The following NFIA variants were observed in gnomAD, a reference collection of about 807,000 sequenced individuals.
NFIA encodes the protein nuclear factor 1 A-type.
NFIA carries 8 observed loss-of-function variants against 62.8 expected under a neutral mutation model. That is an observed-to-expected ratio of 0.13 (90% confidence interval 0.07 to 0.23). NFIA has a LOEUF of 0.23. Ranked by LOEUF, NFIA falls within the 10% of genes least tolerant of loss-of-function variation. The pLI is 1.00. For synonymous variants in NFIA, 235 were observed against 238.1 expected (o/e 0.99, Z 0.12); for missense variants, 410 against 642.1 (o/e 0.64, Z 3.91).
intron 2 of NFIA, among the ~76,000 whole-genome samples, chr1:61,133,365 G>A (rs1027185606): frequency 6.6e-6 from 1 of 151,832 alleles, no homozygotes; most frequent in Non-Finnish European, 1.5e-5. Flanking sequence ...TCATAAACTG[G>A]CTGGTATAGA....
At chr1:61,142,356 G>T (rs191614844) in intron 2 of NFIA, among the ~76,000 whole-genome samples, 14 of 152,260 alleles carry the variant, frequency 9.2e-5, no homozygotes, top group Admixed American at 7.8e-4. Flanking sequence ...ACTTGGCTGA[G>T]TCCCGGCAAA....
At chr1:61,387,414 A>G (rs925002142) in intron 7 of NFIA, among the ~76,000 whole-genome samples, 3 of 149,284 alleles carry the variant, frequency 2.0e-5, no homozygotes, top group South Asian at 2.1e-4. Context: ...TGCTGTCCCT[A>G]TTGCCTTCGC....
intron 6 of NFIA, among the ~76,000 whole-genome samples, chr1:61,361,197 A>G (rs1416238673): frequency 5.9e-5 from 9 of 152,302 alleles, no homozygotes; most frequent in Non-Finnish European, 1.0e-4. Context: ...GTCACACATC[A>G]TCTTTTCTCC....
At chr1:61,297,692 CT>C in intron 3 of NFIA, among the ~76,000 whole-genome samples, 1 of 152,214 alleles carries the variant, frequency 6.6e-6, no homozygotes, top group South Asian at 2.1e-4. Context: ...AAGAGCCATA[CT>C]TTTTTATGCA....
In NFIA at chr1:61,458,266, G is replaced by A. The variant is rs887101069; in HGVS notation, c.*2946G>A. On this transcript the variant is annotated 3_prime_UTR_variant, in exon 11 of 11. Transcript: ENST00000403491. ...AGTGCTTCACAGTGAAGGGAAAAAAGCCTAGACAAACATTTTGTCAGAACC... is the reference window on the plus strand; with the variant it reads ...AGTGCTTCACAGTGAAGGGAAAAAAACCTAGACAAACATTTTGTCAGAACC... The A allele has an allele frequency of 6.6e-6, 1 of 151,396 alleles. No individual in the cohort carries two copies. The highest frequency in any genetic ancestry group is 2.4e-5 in the African/African-American group (1 of 41,242). 9.4% of individuals were successfully genotyped at this position (151,396 alleles called of 1,614,324 possible).
chr1:61,094,514 C>T (rs150749423), intron 2 of NFIA, among the ~76,000 whole-genome samples: 1,768 of 152,146 alleles, frequency 0.012, 19 homozygotes, highest in Middle Eastern at 0.065. Context: ...TGCAAAAATT[C>T]TTTTTAGAAT....
rs1668363571 is a variant in NFIA at position 61,457,587 on chromosome 1, C to G, written c.*2267C>G. The G allele has an allele frequency of 6.6e-6, 1 of 152,102 alleles. No homozygotes were observed. 9.4% of individuals were successfully genotyped at this position (152,102 alleles called of 1,614,324 possible). A position where few individuals can be genotyped will look rare whatever the true frequency, so the allele number is the denominator to read the frequency against. On this transcript the variant is annotated 3_prime_UTR_variant, in exon 11 of 11. Coordinates refer to ENST00000403491, the MANE Select transcript of NFIA (RefSeq NM_001134673.4). This position sits in a 1 kb window ranked among gnomAD's most constrained non-coding sequence, Gnocchi z 4.2. ...CCAGATATATGAAAATATGCAATAC[C>G]TGCTTATATCATGTAGAAAAGCTTA...
intron 4 of NFIA, among the ~76,000 whole-genome samples, chr1:61,348,299 T>C (rs1662357174): frequency 6.6e-6 from 1 of 152,248 alleles, no homozygotes; most frequent in Admixed American, 6.5e-5. Context: ...ATAAGACTCT[T>C]GAAGAAGGCA....
chr1:61,396,106 G>T (rs1665254756), intron 7 of NFIA, among the ~76,000 whole-genome samples: 1 of 152,200 alleles, frequency 6.6e-6, no homozygotes, highest in African/African-American at 2.4e-5. Context: ...TAGGGAGAGA[G>T]AAGCCACCCA....
At chr1:61,116,309 AG>A (rs1251366438) in intron 2 of NFIA, among the ~76,000 whole-genome samples, 1 of 152,236 alleles carries the variant, frequency 6.6e-6, no homozygotes, top group African/African-American at 2.4e-5. Flanking sequence ...TGCCACTTCC[AG>A]TACTGCTATA....
intron 7 of NFIA, among the ~76,000 whole-genome samples, chr1:61,400,722 A>G (rs1665518618): frequency 6.6e-6 from 1 of 152,200 alleles, no homozygotes; most frequent in Admixed American, 6.5e-5. Flanking sequence ...TTCCATTAGC[A>G]TCATGCCAAA....
chr1:61,449,531 A>G (rs1479429292), intron 10 of NFIA, among the ~76,000 whole-genome samples: 1 of 152,204 alleles, frequency 6.6e-6, no homozygotes, highest in African/African-American at 2.4e-5. Flanking sequence ...TTAGAACCCA[A>G]GGACTAGTAA....
At chr1:61,119,343 G>A (rs1646849107) in intron 2 of NFIA, among the ~76,000 whole-genome samples, 1 of 152,062 alleles carries the variant, frequency 6.6e-6, no homozygotes, top group African/African-American at 2.4e-5. Flanking sequence ...TATCATATGA[G>A]GTAATTCAGT....
At chr1:61,353,412 C>T (rs1257493193) in intron 5 of NFIA, among the ~76,000 whole-genome samples, 1 of 152,122 alleles carries the variant, frequency 6.6e-6, no homozygotes, top group Non-Finnish European at 1.5e-5. Context: ...TCTAGATAAC[C>T]TGTACCAGAG....
intron 7 of NFIA, among the ~76,000 whole-genome samples, chr1:61,389,924 G>C (rs17356783): frequency 6.6e-6 from 1 of 151,956 alleles, no homozygotes; most frequent in Non-Finnish European, 1.5e-5. Flanking sequence ...TTACTATCTG[G>C]GGACCCATTA....
chr1:61,153,153 T>C (rs1648539383), intron 2 of NFIA, among the ~76,000 whole-genome samples: 1 of 152,232 alleles, frequency 6.6e-6, no homozygotes, highest in African/African-American at 2.4e-5. Context: ...TTTGGTGGGT[T>C]GAATACTGCC....
intron 2 of NFIA, among the ~76,000 whole-genome samples, chr1:61,224,257 A>C (rs1056331442): frequency 3.9e-5 from 6 of 152,188 alleles, no homozygotes; most frequent in Admixed American, 3.9e-4. Context: ...TAAAAGCTCA[A>C]GTTAATATTA....
chr1:61,210,081 A>G (rs1406952321), intron 2 of NFIA, among the ~76,000 whole-genome samples: 1 of 152,156 alleles, frequency 6.6e-6, no homozygotes, highest in Non-Finnish European at 1.5e-5. Context: ...GTGTTGTAGG[A>G]TAGAAACTGA....
chr1:61,324,772 T>C (rs1399281791), intron 3 of NFIA, among the ~76,000 whole-genome samples: 1 of 152,196 alleles, frequency 6.6e-6, no homozygotes, highest in Non-Finnish European at 1.5e-5. Context: ...AATGGCATTT[T>C]CCATAATAAC....
Sources: allele counts gnomAD v4.1 joint callset (sites outside exome capture counted in the v4.1 genomes callset), GRCh38; gene constraint gnomAD v4.1.1; non-coding constraint Gnocchi (gnomAD v3.1); transcripts MANE v1.5; gene names NCBI Gene and HGNC (gene_info 2026-07-23, HGNC 2026-07-21).